The following ZNF540 variants were observed in gnomAD, a reference collection of about 807,000 sequenced individuals.
The protein encoded by ZNF540 is zinc finger protein 540, also known as CTD-3064H18.6.
A neutral mutation model predicts 11.8 loss-of-function variants in ZNF540; 3 were observed. The ratio of observed to expected loss-of-function variants is 0.25; its 90% CI spans 0.12 to 0.65. The LOEUF is 0.65. Among genes scored for constraint, ZNF540 ranks in the 30% least tolerant of loss-of-function variants. The pLI, the probability that ZNF540 is intolerant of heterozygous loss-of-function variation, is 0.83. For synonymous variants in ZNF540, 247 were observed against 259.0 expected, an observed-to-expected ratio of 0.95 and a Z score of 0.45; for missense variants, 709 against 793.1, an observed-to-expected ratio of 0.89 and a Z score of 1.27.
intron 1 of ZNF540, chr19:37,564,518 C>T (rs540597056): frequency 3.4e-4 from 447 of 1,324,538 alleles, no homozygotes; most frequent in Admixed American, 4.2e-4. Flanking sequence ...AGATTCTGAG[C>T]AGAAGCAAGA....
chr19:37,588,163 T>C (rs371645025), intron 1 of ZNF540, among the ~76,000 whole-genome samples: 1 of 111,128 alleles, frequency 9.0e-6, no homozygotes, highest in East Asian at 2.5e-4. Context: ...TAAAATGATA[T>C]AAAGATGTTA....
chr19:37,580,859 A>G (rs555553476), intron 1 of ZNF540, among the ~76,000 whole-genome samples: 2 of 152,328 alleles, frequency 1.3e-5, no homozygotes, highest in East Asian at 3.9e-4. Context: ...CACGAGCCAA[A>G]TAAACCTCTT....
intron 1 of ZNF540, chr19:37,586,405 G>A: frequency 2.0e-6 from 1 of 497,186 alleles, no homozygotes; most frequent in South Asian, 3.1e-5. Flanking sequence ...AGGTATTTCT[G>A]TTCCCTCAGA....
chr19:37,584,129 T>A (rs1481345737), intron 1 of ZNF540: 1 of 1,613,288 alleles, frequency 6.2e-7, no homozygotes, highest in South Asian at 1.1e-5. Context: ...AGGATGATTC[T>A]ACAGGAATGA....
intron 1 of ZNF540, among the ~76,000 whole-genome samples, chr19:37,581,269 C>CT (rs925011102): frequency 6.6e-6 from 1 of 152,062 alleles, no homozygotes; most frequent in Non-Finnish European, 1.5e-5. Flanking sequence ...AGATTAGTCT[C>CT]TTTTTAATAA....
rs765799036 is a variant in ZNF540 at position 37,612,216 on chromosome 19, C to T, written c.936C>T (p.Phe312=). The T allele has an allele frequency of 6.2e-7, 1 of 1,612,548 alleles. No homozygotes were observed. Among genetic ancestry groups the T allele is most frequent in the African/African-American group, 1.3e-5 (1 of 74,752 alleles). ...KECGKVFQLI[F]YFKEHERIHT... ...GTGGAAAAGTTTTTCAACTTATTTT[C>T]TACTTTAAAGAACATGAGAGAATTC... The change falls in exon 5 of 5, where the codon TTC becomes TTT. Residue 312 remains phenylalanine (F), a synonymous_variant. Coordinates refer to ENST00000316433, the MANE Select transcript of ZNF540 (RefSeq NM_001172225.3).
At chr19:37,583,953 T>TA (rs1427416328) in intron 1 of ZNF540, 4 of 1,582,346 alleles carry the variant, frequency 2.5e-6, no homozygotes, top group Admixed American at 1.8e-5. Context: ...TTCTGAATAT[T>TA]ACGTAGGATG....
rs2044079496 is a variant in ZNF540, at chr19:37,605,626, C to T, written c.232+4521C>T. On this transcript the variant is annotated intron_variant, in intron 4 of 4. Coordinates refer to ENST00000316433, the MANE Select transcript of ZNF540 (RefSeq NM_001172225.3). The stretch of plus-strand genomic sequence containing the variant: ...TCACGCCACTGCACTCCAGCCTGGG[C>T]AACAAGAGTGAAACTCTTGTCGCAA... Among the ~76,000 whole-genome samples, 3 of 152,064 alleles carry T rather than the reference C, an allele frequency of 2.0e-5. No homozygotes were observed. In the South Asian group the frequency reaches 6.2e-4, roughly 32 times the overall value.
Position 37,614,161 on chromosome 19 carries a change from TA to T in ZNF540, c.*902del. On this transcript the variant is annotated 3_prime_UTR_variant, in exon 5 of 5. Coordinates refer to ENST00000316433, the MANE Select transcript of ZNF540 (RefSeq NM_001172225.3). ...CTAAGGCACTCCATTAGAATATAAA[TA>T]AAATGTAAAGATCTAAATTCAGACC... 3.5e-6 allele frequency: 1 copy of T among 289,144 alleles called. No homozygotes were observed. Among genetic ancestry groups the T allele is most frequent in the Non-Finnish European group, 6.3e-6 (1 of 158,340 alleles). The allele number at this position is 289,144 out of a possible 1,614,324, so 17.9% of individuals were successfully genotyped here.
chr19:37,599,536 T>C, intron 2 of ZNF540, 90 bp from the exon 3 acceptor site: 1 of 1,520,788 alleles, frequency 6.6e-7, no homozygotes, highest in Non-Finnish European at 9.1e-7. Context: ...ATAGTACCCC[T>C]TGCTGCAATG....
At chr19:37,598,911 CA>C (rs1158145366) in intron 2 of ZNF540, among the ~76,000 whole-genome samples, 1 of 152,126 alleles carries the variant, frequency 6.6e-6, no homozygotes, top group Non-Finnish European at 1.5e-5. Flanking sequence ...GGTGAAAACC[CA>C]TAGTAAGACG....
At chr19:37,586,153 C>G (rs2043666248) in intron 1 of ZNF540, 2 of 152,780 alleles carry the variant, frequency 1.3e-5, no homozygotes, top group African/African-American at 4.8e-5. Context: ...ACGGCAGCAA[C>G]AGGAAACTAT....
At position 37,595,048 on chromosome 19, in the gene ZNF540, T is replaced by C. The variant is rs2043975229; in HGVS notation, c.-120T>C. 2 of 152,296 alleles carry C rather than the reference T, an allele frequency of 1.3e-5. No individual in the cohort carries two copies. Among genetic ancestry groups the C allele is most frequent in the African/African-American group, 4.8e-5 (2 of 41,542 alleles). The allele number at this position is 152,296 out of a possible 1,614,324, so 9.4% of individuals were successfully genotyped here. The stretch of plus-strand genomic sequence containing the variant: ...AGAGGTTGAGTCTTGCCGTGGTGCC[T>C]TCAGGGGAATGTCATCCCGGGCTAG... On this transcript the variant is annotated 5_prime_UTR_variant, in exon 1 of 5. Coordinates refer to ENST00000316433, the MANE Select transcript of ZNF540 (RefSeq NM_001172225.3).
chr19:37,590,358 A>T (rs1337996139), upstream of ZNF540, among the ~76,000 whole-genome samples: 1 of 152,138 alleles, frequency 6.6e-6, no homozygotes. Context: ...CGGAGCTTGC[A>T]GTGAGCCAAG....
intron 1 of ZNF540, chr19:37,565,221 TA>T (rs1239198219): frequency 1.2e-6 from 2 of 1,613,256 alleles, no homozygotes; most frequent in Non-Finnish European, 1.7e-6. Context: ...AGATTAGAAT[TA>T]GAAATAAAGG....
chr19:37,561,108 G>T (rs1422398480), intron 1 of ZNF540, among the ~76,000 whole-genome samples: 1 of 151,158 alleles, frequency 6.6e-6, no homozygotes, highest in African/African-American at 2.4e-5. Flanking sequence ...AGGTGTGGTG[G>T]TGCACACCTA....
At chr19:37,556,062 C>T (rs749889569) in intron 1 of ZNF540, 1 of 702,724 alleles carries the variant, frequency 1.4e-6, no homozygotes, top group South Asian at 1.5e-5. Flanking sequence ...GCTTCCACAT[C>T]CAGTTTGGCT....
At chr19:37,580,996 C>T (rs2043436666) in intron 1 of ZNF540, among the ~76,000 whole-genome samples, 1 of 152,106 alleles carries the variant, frequency 6.6e-6, no homozygotes, top group African/African-American at 2.4e-5. Flanking sequence ...GTTTAAATAC[C>T]AAAACTAGAA....
At chr19:37,561,761 A>T (rs575923173) in intron 1 of ZNF540, among the ~76,000 whole-genome samples, 1 of 152,344 alleles carries the variant, frequency 6.6e-6, no homozygotes, top group Admixed American at 6.5e-5. Context: ...TGATGGTAGA[A>T]GGGCACCTAA....
Sources: gnomAD v4.1 joint callset for allele counts (sites outside exome capture counted in the v4.1 genomes callset) on GRCh38, gnomAD v4.1.1 for gene constraint, MANE v1.5 for transcripts, NCBI Gene and HGNC (gene_info 2026-07-23, HGNC 2026-07-21) for gene names.